FAM13A: variants seen among roughly 807,000 people sequenced by gnomAD.
FAM13A encodes the protein protein FAM13A.
FAM13A carries 76 observed loss-of-function variants against 129.6 expected under a neutral mutation model. The ratio of observed to expected loss-of-function variants is 0.59; its 90% CI spans 0.49 to 0.71. The LOEUF (loss-of-function observed/expected upper bound fraction) is 0.71. Among genes scored for constraint, FAM13A ranks in the 30% least tolerant of loss-of-function variants. The pLI is 0.00. For missense variants in FAM13A, 1,108 were observed against 1,249.3 expected, an observed-to-expected ratio of 0.89 and a Z score of 1.70; for synonymous variants, 443 against 449.9, an observed-to-expected ratio of 0.98 and a Z score of 0.20.
chr4:88,989,517 G>C (rs996314510), intron 4 of FAM13A: 1 of 152,414 alleles, frequency 6.6e-6, no homozygotes, highest in African/African-American at 2.4e-5. Flanking sequence ...TGGGAGGACT[G>C]CTTGAGCCCG....
intron 6 of FAM13A, among the ~76,000 whole-genome samples, chr4:88,874,494 T>A (rs538958960): frequency 6.7e-6 from 1 of 149,984 alleles, no homozygotes; most frequent in Non-Finnish European, 1.5e-5. Context: ...TATATACCAA[T>A]AACAGGCAAA....
intron 21 of FAM13A, among the ~76,000 whole-genome samples, chr4:88,734,641 C>G (rs892910250): frequency 6.6e-6 from 1 of 152,140 alleles, no homozygotes; most frequent in African/African-American, 2.4e-5. Context: ...TTGGGGACAT[C>G]GGGCAATGTC....
intron 6 of FAM13A, among the ~76,000 whole-genome samples, chr4:88,879,025 A>G (rs1465226634): frequency 6.6e-6 from 1 of 152,248 alleles, no homozygotes; most frequent in Non-Finnish European, 1.5e-5. Flanking sequence ...TGGTTGATAT[A>G]TAAAACGGTC....
At chr4:88,948,365 C>T (rs1351155708) in intron 4 of FAM13A, among the ~76,000 whole-genome samples, 11 of 152,072 alleles carry the variant, frequency 7.2e-5, no homozygotes, top group East Asian at 1.9e-4. Flanking sequence ...TAAAAAGTTA[C>T]GTGAAGGAAG....
chr4:88,770,110 T>C (rs1344199351), intron 11 of FAM13A, among the ~76,000 whole-genome samples: 1 of 152,174 alleles, frequency 6.6e-6, no homozygotes, highest in African/African-American at 2.4e-5. Flanking sequence ...TACTAAGCAT[T>C]AATTTACACA....
intron 6 of FAM13A, among the ~76,000 whole-genome samples, chr4:88,865,705 C>T (rs1379366122): frequency 1.3e-5 from 2 of 152,144 alleles, no homozygotes; most frequent in Non-Finnish European, 2.9e-5. Flanking sequence ...TCAGCTCTGC[C>T]GTGGACAGCA....
intron 1 of FAM13A, among the ~76,000 whole-genome samples, chr4:89,037,606 C>T (rs1370087077): frequency 6.6e-6 from 1 of 152,072 alleles, no homozygotes; most frequent in East Asian, 1.9e-4. Flanking sequence ...TTGTATTTTG[C>T]AATGTTAGAA....
chr4:88,753,160 C>G (rs1404278787), intron 14 of FAM13A, among the ~76,000 whole-genome samples: 3 of 152,168 alleles, frequency 2.0e-5, no homozygotes, highest in Admixed American at 1.3e-4. Context: ...TGTTATAACT[C>G]ATCTTTAAGT....
intron 8 of FAM13A, among the ~76,000 whole-genome samples, chr4:88,800,483 G>C (rs1727206862): frequency 6.6e-6 from 1 of 152,014 alleles, no homozygotes; most frequent in African/African-American, 2.4e-5. Context: ...TCAGGAGTTT[G>C]AGACCAGCCT....
intron 2 of FAM13A, among the ~76,000 whole-genome samples, chr4:89,021,934 G>A (rs969105711): frequency 2.0e-5 from 3 of 152,086 alleles, no homozygotes; most frequent in African/African-American, 2.4e-5. Context: ...GCTGGTTTAC[G>A]GCAGAAGATA....
intron 6 of FAM13A, chr4:88,855,830 A>G (rs1193281029): frequency 6.6e-6 from 1 of 152,218 alleles, no homozygotes; most frequent in Admixed American, 6.5e-5. Context: ...GCCATCATAG[A>G]ACTGTGATGA....
chr4:88,981,358 C>T (rs1252351475), intron 4 of FAM13A, among the ~76,000 whole-genome samples: 9 of 152,200 alleles, frequency 5.9e-5, no homozygotes, highest in African/African-American at 2.2e-4. Context: ...GGCTTTGGTC[C>T]GTGCATCAAT....
At chr4:88,893,495 C>T (rs1393965354) in intron 6 of FAM13A, among the ~76,000 whole-genome samples, 1 of 152,064 alleles carries the variant, frequency 6.6e-6, no homozygotes, top group Non-Finnish European at 1.5e-5. Context: ...TGGTGGCGGG[C>T]GCCTGTAGTC....
At chr4:88,753,431 C>T (rs541261263) in intron 14 of FAM13A, among the ~76,000 whole-genome samples, 13 of 152,266 alleles carry the variant, frequency 8.5e-5, no homozygotes, top group Non-Finnish European at 1.3e-4. Context: ...ATGGTATACA[C>T]GAAATACACA....
intron 4 of FAM13A, among the ~76,000 whole-genome samples, chr4:88,945,464 T>C (rs1755505753): frequency 6.6e-6 from 1 of 152,174 alleles, no homozygotes; most frequent in African/African-American, 2.4e-5. Flanking sequence ...CTTGCCCCTC[T>C]TAATTTTTCC....
At chr4:89,014,959 G>C (rs1215922825) in intron 3 of FAM13A, among the ~76,000 whole-genome samples, 1 of 152,188 alleles carries the variant, frequency 6.6e-6, no homozygotes, top group East Asian at 1.9e-4. Context: ...GAAAGCAATA[G>C]GAGAAATATC....
At chr4:88,993,927 G>T (rs1240931089) in intron 3 of FAM13A, among the ~76,000 whole-genome samples, 2 of 151,666 alleles carry the variant, frequency 1.3e-5, no homozygotes, top group African/African-American at 4.9e-5. Flanking sequence ...GGAAGCGGAG[G>T]TTGCAGTGAG....
intron 4 of FAM13A, among the ~76,000 whole-genome samples, chr4:88,961,136 A>G (rs1207242954): frequency 6.6e-6 from 1 of 152,160 alleles, no homozygotes; most frequent in Non-Finnish European, 1.5e-5. Context: ...AACAATCAAT[A>G]AAAGCCATAA....
intron 3 of FAM13A, among the ~76,000 whole-genome samples, chr4:89,018,309 G>A (rs1458208453): frequency 1.3e-5 from 2 of 152,298 alleles, no homozygotes; most frequent in Non-Finnish European, 1.5e-5. Flanking sequence ...GGCCACGTGC[G>A]GACACAGTGA....
Sources: gnomAD v4.1 joint callset for allele counts (sites outside exome capture counted in the v4.1 genomes callset) on GRCh38, gnomAD v4.1.1 for gene constraint, MANE v1.5 for transcripts, NCBI Gene and HGNC (gene_info 2026-07-23, HGNC 2026-07-21) for gene names.